The following SLC17A8 variants were observed in gnomAD, a reference collection of about 807,000 sequenced individuals.
SLC17A8 encodes the protein solute carrier family 17 member 8.
A neutral mutation model predicts 58.0 loss-of-function variants in SLC17A8; 31 were observed. The ratio of observed to expected loss-of-function variants is 0.53; its 90% CI spans 0.40 to 0.72. SLC17A8 has a LOEUF of 0.72. Ranked by LOEUF, SLC17A8 falls within the 30% of genes least tolerant of loss-of-function variation. SLC17A8 has a pLI of 0.00. For missense variants in SLC17A8, 655 were observed against 727.8 expected, an observed-to-expected ratio of 0.90 and a Z score of 1.15; for synonymous variants, 228 against 249.0, an observed-to-expected ratio of 0.92 and a Z score of 0.79.
chr12:100,392,782 T>A (rs1400374269), intron 3 of SLC17A8, among the ~76,000 whole-genome samples: 2 of 152,204 alleles, frequency 1.3e-5, no homozygotes, highest in Admixed American at 1.3e-4. Flanking sequence ...CAACCTGTCT[T>A]GTGCTTGGCT....
chr12:100,383,964 C>T (rs112859394), intron 2 of SLC17A8, among the ~76,000 whole-genome samples: 1,831 of 152,280 alleles, frequency 0.012, 18 homozygotes, highest in Non-Finnish European at 0.022. Context: ...CTTGGTCTCC[C>T]AAAGTGCTGG....
chr12:100,361,380 C>G (rs1230662473), intron 1 of SLC17A8, among the ~76,000 whole-genome samples: 1 of 152,216 alleles, frequency 6.6e-6, no homozygotes, highest in Non-Finnish European at 1.5e-5. Flanking sequence ...GGCTTTCGCC[C>G]TGTTTCTTTT....
At chr12:100,413,367 C>T (rs934439512) in intron 10 of SLC17A8, among the ~76,000 whole-genome samples, 14 of 152,052 alleles carry the variant, frequency 9.2e-5, no homozygotes, top group Admixed American at 2.6e-4. Flanking sequence ...CAAGAAAATG[C>T]GGGTCCATAG....
chr12:100,403,465 T>C (rs537104949), intron 8 of SLC17A8, among the ~76,000 whole-genome samples: 1 of 146,574 alleles, frequency 6.8e-6, no homozygotes, highest in East Asian at 2.0e-4. Flanking sequence ...CAAGACTCTG[T>C]CTAAAAAAAA....
intron 1 of SLC17A8, 120 bp downstream of exon 1, chr12:100,357,612 G>T: frequency 1.4e-6 from 1 of 724,958 alleles, no homozygotes; most frequent in South Asian, 1.5e-5. Flanking sequence ...GGTCAGATTA[G>T]ATCCTTCTGG....
intron 1 of SLC17A8, among the ~76,000 whole-genome samples, chr12:100,363,981 G>A (rs1218567951): frequency 6.7e-6 from 1 of 148,278 alleles, no homozygotes; most frequent in Non-Finnish European, 1.5e-5. Flanking sequence ...CAAGGGGGAA[G>A]AGGTTGCAGT....
chr12:100,363,922 A>T (rs1952501294), intron 1 of SLC17A8, among the ~76,000 whole-genome samples: 1 of 151,886 alleles, frequency 6.6e-6, no homozygotes, highest in Non-Finnish European at 1.5e-5. Context: ...GGGCACCTGT[A>T]ATCCCAACTA....
At chr12:100,381,080 T>C (rs1566391855) in intron 2 of SLC17A8, 127 bp downstream of exon 2, 1 of 1,052,836 alleles carries the variant, frequency 9.5e-7, no homozygotes, top group East Asian at 2.4e-5. Context: ...GAAATTAACC[T>C]CCCATCTCAG....
Position 100,380,782 on chromosome 12 carries a change from C to T in SLC17A8, c.183C>T (p.Ser61=), listed in dbSNP as rs754037952. The change falls in exon 2 of 12, where the codon AGC becomes AGT. Residue 61 remains serine, a synonymous_variant. Coordinates refer to ENST00000323346, the MANE Select transcript of SLC17A8 (RefSeq NM_139319.3). ...EGRPVQTSRP[S]PPLCDCHCCG... ...GGCCGGTGCAGACGTCCAGGCCAAG[C>T]CCCCCACTCTGCGACTGCCACTGCT... 5.6e-6 allele frequency: 9 copies of T among 1,614,080 alleles called. No homozygotes were observed. The South Asian group carries it at 6.6e-5, about 12-fold the overall frequency.
intron 3 of SLC17A8, 27 bp from the exon 4 acceptor site, chr12:100,393,342 G>A (rs774654156): frequency 1.5e-5 from 23 of 1,539,648 alleles, no homozygotes; most frequent in African/African-American, 6.8e-5. Flanking sequence ...CAGACCTGCC[G>A]AATAACACAA....
intron 6 of SLC17A8, 25 bp from the exon 7 acceptor site, chr12:100,402,315 C>A (rs113357443): frequency 1.2e-6 from 2 of 1,613,470 alleles, no homozygotes; most frequent in South Asian, 1.1e-5. Flanking sequence ...ACCATATAAC[C>A]CAGCCTTTTC....
chr12:100,390,512 A>G (rs1469940676), intron 2 of SLC17A8, among the ~76,000 whole-genome samples: 1 of 151,506 alleles, frequency 6.6e-6, no homozygotes, highest in South Asian at 2.1e-4. Context: ...ACGCCCGGCT[A>G]ATTTTTTTTG....
rs116224610 is a variant in SLC17A8, at chr12:100,406,455, C to T, written c.1186+2285C>T. 3.3e-3 allele frequency among the ~76,000 whole-genome samples: 504 copies of T among 151,964 alleles called. 2 individuals carry two copies. The highest frequency in any genetic ancestry group is 0.012 in the African/African-American group (484 of 41,456). On this transcript the variant is annotated intron_variant, in intron 9 of 11. Transcript: ENST00000323346. ...TTTCTAGGGTCAGATCATGGCAGGC[C>T]TTGTCGGCGTATGCAGAGCTTGGGT...
At chr12:100,418,284 ACTT>A (rs1212976180) in intron 11 of SLC17A8, 128 bp downstream of exon 11, 57 of 1,183,104 alleles carry the variant, frequency 4.8e-5, no homozygotes, top group East Asian at 3.1e-4. Flanking sequence ...AGTCAGCTGA[ACTT>A]CTTTTTTTTT....
In SLC17A8 at chr12:100,402,488, A is replaced by G. The variant is rs1167890574; in HGVS notation, c.903+9A>G. 2.5e-6 allele frequency: 4 copies of G among 1,613,946 alleles called. No homozygotes were observed. In the Admixed American group the frequency reaches 6.7e-5, roughly 27 times the overall value. On this transcript the variant is annotated intron_variant, in intron 7 of 11. Transcript: ENST00000323346. Reference sequence around the variant, plus strand: ...ACGTGGTTAGTCTAAGTGTAAGTATAAAAAGTCAGATGAAGACTTACCTTT... The same window carrying G: ...ACGTGGTTAGTCTAAGTGTAAGTATGAAAAGTCAGATGAAGACTTACCTTT...
At chr12:100,363,371 TTTTG>T (rs1398815854) in intron 1 of SLC17A8, among the ~76,000 whole-genome samples, 2 of 152,038 alleles carry the variant, frequency 1.3e-5, no homozygotes, top group Admixed American at 6.5e-5. Context: ...CTGTTGGGTT[TTTTG>T]TTTGTTTGTT....
intron 2 of SLC17A8, among the ~76,000 whole-genome samples, chr12:100,383,325 A>G (rs1027933935): frequency 6.6e-6 from 1 of 152,220 alleles, no homozygotes. Flanking sequence ...AGTCTTAGAG[A>G]AACTGATTAA....
At chr12:100,375,776 C>T (rs1952590759) in intron 1 of SLC17A8, among the ~76,000 whole-genome samples, 1 of 152,128 alleles carries the variant, frequency 6.6e-6, no homozygotes, top group Non-Finnish European at 1.5e-5. Context: ...TTTTACGTAC[C>T]AGGCACTGCC....
At chr12:100,411,569 G>A (rs1017052443) in intron 9 of SLC17A8, among the ~76,000 whole-genome samples, 5 of 151,194 alleles carry the variant, frequency 3.3e-5, no homozygotes, top group African/African-American at 7.3e-5. Flanking sequence ...TAGAACAATT[G>A]TGTGGAGATG....
Sources: gnomAD v4.1 joint callset for allele counts (sites outside exome capture counted in the v4.1 genomes callset) on GRCh38, gnomAD v4.1.1 for gene constraint, MANE v1.5 for transcripts, NCBI Gene and HGNC (gene_info 2026-07-23, HGNC 2026-07-21) for gene names.